Variants in ACOT7 observed in about 807,000 individuals in gnomAD.
ACOT7 encodes acyl-CoA thioesterase 7.
In ACOT7, 12 loss-of-function variants were observed where a neutral mutation model predicts 40.2. The ratio of observed to expected loss-of-function variants is 0.30; its 90% CI spans 0.19 to 0.48. ACOT7 has a LOEUF of 0.48. Ranked by LOEUF, ACOT7 falls within the 20% of genes least tolerant of loss-of-function variation. The probability of loss-of-function intolerance (pLI) is 0.99; values close to 1 mark genes in which losing one functional copy is unlikely to be tolerated. For synonymous variants in ACOT7, 228 were observed against 219.5 expected (o/e 1.04, Z -0.34); for missense variants, 395 against 530.8 (o/e 0.74, Z 2.51).
intron 8 of ACOT7, among the ~76,000 whole-genome samples, chr1:6,271,159 A>G (rs1014201632): frequency 6.6e-6 from 1 of 152,186 alleles, no homozygotes; most frequent in Non-Finnish European, 1.5e-5. Flanking sequence ...TTCAGAGCCA[A>G]GTGCTGCAAA....
Position 6,336,919 on chromosome 1 carries a change from G to A in ACOT7, c.418+2514C>T, listed in dbSNP as rs144205005. Reference sequence around the variant, plus strand: ...GATGAGACTCGCAGTCACAGAGTGAGACAACAGCGGGCTCCGGGGCCTGAC... The same window carrying A: ...GATGAGACTCGCAGTCACAGAGTGAAACAACAGCGGGCTCCGGGGCCTGAC... On this transcript the variant is annotated intron_variant, in intron 3 of 8. Coordinates refer to ENST00000361521, the MANE Select transcript of ACOT7 (RefSeq NM_007274.4). Among the ~76,000 whole-genome samples the A allele has an allele frequency of 2.6e-5, 4 of 152,320 alleles. No homozygotes were observed. The East Asian group carries it at 7.7e-4, about 29-fold the overall frequency.
At chr1:6,342,379 A>G (rs1212039433) in intron 2 of ACOT7, among the ~76,000 whole-genome samples, 1 of 152,196 alleles carries the variant, frequency 6.6e-6, no homozygotes, top group Non-Finnish European at 1.5e-5. Flanking sequence ...AGAGACACGA[A>G]CACTCAGACG....
intron 1 of ACOT7, among the ~76,000 whole-genome samples, chr1:6,375,993 G>A (rs1447911351): frequency 6.6e-6 from 1 of 151,772 alleles, no homozygotes; most frequent in Non-Finnish European, 1.5e-5. Context: ...AGTGGCTCAC[G>A]CCTGTAATCC....
At chr1:6,272,928 ACT>A (rs1308703370) in intron 8 of ACOT7, among the ~76,000 whole-genome samples, 2 of 151,992 alleles carry the variant, frequency 1.3e-5, no homozygotes, top group South Asian at 2.1e-4. Context: ...GGCAGTGCTC[ACT>A]CTGTCCGTGT....
At position 6,358,965 on chromosome 1, in the gene ACOT7, G is replaced by C; in HGVS notation, c.144-9099C>G. 1 of 1,481,456 alleles carries C rather than the reference G, an allele frequency of 6.8e-7. No homozygotes were observed. Among genetic ancestry groups the C allele is most frequent in the African/African-American group, 1.4e-5 (1 of 71,282 alleles). The allele number at this position is 1,481,456 out of a possible 1,614,324, so 91.8% of individuals were successfully genotyped here. ...CCTGCCACACCGGGCTTGGTGGGGA[G>C]CACCCCCCACCCCCAGCTTCCTGAG... On this transcript the variant is annotated intron_variant, in intron 1 of 8. Coordinates refer to ENST00000361521, the MANE Select transcript of ACOT7 (RefSeq NM_007274.4). This position sits in a 1 kb window ranked among gnomAD's most constrained non-coding sequence, Gnocchi z 4.1.
At chr1:6,312,975 C>T (rs936503104) in intron 6 of ACOT7, among the ~76,000 whole-genome samples, 1 of 152,234 alleles carries the variant, frequency 6.6e-6, no homozygotes, top group Non-Finnish European at 1.5e-5. Flanking sequence ...ATGACACGGC[C>T]CAGTGGGGAC....
intron 8 of ACOT7, among the ~76,000 whole-genome samples, chr1:6,272,340 C>T (rs75116595): frequency 0.047 from 7,088 of 152,334 alleles, 564 homozygotes; most frequent in African/African-American, 0.16. Context: ...AAAACCAGTA[C>T]TTCTGCTCAA....
At chr1:6,323,678 A>G (rs1337677109) in intron 5 of ACOT7, among the ~76,000 whole-genome samples, 13 of 139,248 alleles carry the variant, frequency 9.3e-5, no homozygotes, top group Non-Finnish European at 1.5e-4. Flanking sequence ...AGATCGCACC[A>G]TTGCACTCCA....
At position 6,393,428 on chromosome 1, in the gene ACOT7, G is replaced by T; in HGVS notation, c.-29C>A. 2 of 1,207,612 alleles carry T rather than the reference G, an allele frequency of 1.7e-6. No individual in the cohort carries two copies. Among genetic ancestry groups the T allele is most frequent in the Non-Finnish European group, 1.0e-6 (1 of 973,998 alleles). 74.8% of individuals were successfully genotyped at this position (1,207,612 alleles called of 1,614,324 possible). A position where few individuals can be genotyped will look rare whatever the true frequency, so the allele number is the denominator to read the frequency against. Reference sequence around the variant, plus strand: ...GGGGGAGGGCAGAGGTGGAGCGATGGGGCTGGTGAGGCGGGGCCTGCGCGC... The same window carrying T: ...GGGGGAGGGCAGAGGTGGAGCGATGTGGCTGGTGAGGCGGGGCCTGCGCGC... On this transcript the variant is annotated 5_prime_UTR_variant, in exon 1 of 9. Coordinates refer to ENST00000361521, the MANE Select transcript of ACOT7 (RefSeq NM_007274.4).
At chr1:6,393,224 G>A (rs1642564145) in intron 1 of ACOT7, 33 bp downstream of exon 1, 3 of 1,264,514 alleles carry the variant, frequency 2.4e-6, no homozygotes, top group African/African-American at 3.1e-5. Context: ...GGCGCGCCTG[G>A]CCGCTGCAGG....
intron 2 of ACOT7, among the ~76,000 whole-genome samples, chr1:6,346,609 G>A (rs960458117): frequency 1.3e-5 from 2 of 152,234 alleles, no homozygotes; most frequent in Non-Finnish European, 2.9e-5. Flanking sequence ...GGGCGAAACA[G>A]GAGATCTGGA....
chr1:6,341,552 C>G (rs889912866), intron 2 of ACOT7, among the ~76,000 whole-genome samples: 1 of 152,166 alleles, frequency 6.6e-6, no homozygotes, highest in Non-Finnish European at 1.5e-5. Context: ...ACCATCCTGG[C>G]TAACATGGTG....
chr1:6,360,519 T>C (rs1641865385), intron 1 of ACOT7: 2 of 1,606,838 alleles, frequency 1.2e-6, no homozygotes, highest in African/African-American at 1.3e-5. Context: ...CAAACACACT[T>C]CCCTCCCCTG....
chr1:6,374,252 G>A (rs537336051), intron 1 of ACOT7, among the ~76,000 whole-genome samples: 105 of 152,322 alleles, frequency 6.9e-4, no homozygotes, highest in African/African-American at 2.4e-3. Flanking sequence ...AAATGGCCCT[G>A]GGAGCTCCAG....
At chr1:6,265,807 C>T (rs1638834436) in intron 8 of ACOT7, among the ~76,000 whole-genome samples, 1 of 152,206 alleles carries the variant, frequency 6.6e-6, no homozygotes, top group African/African-American at 2.4e-5. Context: ...AGAGATGGGG[C>T]AGTTGCCCTT....
At chr1:6,280,029 C>G (rs1360172823) in intron 8 of ACOT7, among the ~76,000 whole-genome samples, 1 of 152,210 alleles carries the variant, frequency 6.6e-6, no homozygotes, top group Admixed American at 6.5e-5. Context: ...CAAATGCTTG[C>G]GGATCTGCGT....
At chr1:6,325,542 A>G (rs1414533887) in intron 5 of ACOT7, among the ~76,000 whole-genome samples, 1 of 152,202 alleles carries the variant, frequency 6.6e-6, no homozygotes, top group Non-Finnish European at 1.5e-5. Flanking sequence ...GGAAACCTAC[A>G]GTGGTTTCCC....
chr1:6,332,209 C>T (rs561695668), intron 4 of ACOT7, among the ~76,000 whole-genome samples: 1 of 152,342 alleles, frequency 6.6e-6, no homozygotes, highest in African/African-American at 2.4e-5. Context: ...GGAGGAAAAG[C>T]TCCCTGCCGG....
chr1:6,332,102 T>C (rs1012937713), intron 4 of ACOT7, among the ~76,000 whole-genome samples: 2 of 152,218 alleles, frequency 1.3e-5, no homozygotes, highest in South Asian at 2.1e-4. Flanking sequence ...AGCGTCTCTA[T>C]TGGGTCTGGA....
Sources: allele counts gnomAD v4.1 joint callset (sites outside exome capture counted in the v4.1 genomes callset), GRCh38; gene constraint gnomAD v4.1.1; non-coding constraint Gnocchi (gnomAD v3.1); transcripts MANE v1.5; gene names NCBI Gene and HGNC (gene_info 2026-07-23, HGNC 2026-07-21).